The following MACC1 variants were observed in gnomAD, a reference collection of about 807,000 sequenced individuals.
The protein encoded by MACC1 is metastasis-associated in colon cancer protein 1.
In MACC1, 79 loss-of-function variants were observed where a neutral mutation model predicts 70.7. That is an observed-to-expected ratio of 1.12 (90% CI 0.93 to 1.35). MACC1 has a LOEUF of 1.35. Ranked by LOEUF, MACC1 falls within the 40% of genes most tolerant of loss-of-function variation. The pLI, the probability that MACC1 is intolerant of heterozygous loss-of-function variation, is 0.00. For missense variants in MACC1, 1,106 were observed against 978.1 expected (o/e 1.13, Z -1.74); for synonymous variants, 361 against 347.2 (o/e 1.04, Z -0.44).
chr7:20,192,046 A>C (rs1371819900), intron 1 of MACC1, among the ~76,000 whole-genome samples: 1 of 152,192 alleles, frequency 6.6e-6, no homozygotes, highest in Non-Finnish European at 1.5e-5. Context: ...TAATATATTT[A>C]ATATAACTCT....
chr7:20,188,952 T>G (rs1309328750), intron 1 of MACC1, among the ~76,000 whole-genome samples: 1 of 152,336 alleles, frequency 6.6e-6, no homozygotes, highest in East Asian at 1.9e-4. Flanking sequence ...CTGGCCTTGT[T>G]TCTTGTGTGA....
chr7:20,209,517 T>C (rs773140283), intron 1 of MACC1, among the ~76,000 whole-genome samples: 1 of 152,222 alleles, frequency 6.6e-6, no homozygotes, highest in Non-Finnish European at 1.5e-5. Flanking sequence ...ATTTCTCCCA[T>C]TTGGAATGGG....
At chr7:20,168,003 C>A (rs113179119) in intron 2 of MACC1, among the ~76,000 whole-genome samples, 2,027 of 152,162 alleles carry the variant, frequency 0.013, 42 homozygotes, top group African/African-American at 0.046. Flanking sequence ...TTACAAGGGG[C>A]CATGAAGAAA....
intron 5 of MACC1, among the ~76,000 whole-genome samples, chr7:20,156,373 A>G (rs1782055147): frequency 6.6e-6 from 1 of 152,182 alleles, no homozygotes; most frequent in African/African-American, 2.4e-5. Flanking sequence ...TAGCCGCTTG[A>G]GGCACTCTGG....
At chr7:20,193,625 T>C (rs1189515514) in intron 1 of MACC1, among the ~76,000 whole-genome samples, 1 of 152,150 alleles carries the variant, frequency 6.6e-6, no homozygotes, top group Non-Finnish European at 1.5e-5. Flanking sequence ...GTCAAAGCTG[T>C]AGCTAAACTA....
intron 1 of MACC1, among the ~76,000 whole-genome samples, chr7:20,185,813 C>A (rs114113220): frequency 1.3e-5 from 2 of 152,190 alleles, no homozygotes; most frequent in African/African-American, 4.8e-5. Flanking sequence ...CTAACCCTCA[C>A]AGTAATGCTG....
Position 20,138,815 on chromosome 7 carries a change from G to A in MACC1, c.*2131C>T, listed in dbSNP as rs1174264105. ...AGCCTCCTGAGTAGCTGGGACTACA[G>A]GCGCCTGCCACCACGCCCGGCTAAT... is the stretch of plus-strand genomic sequence containing the variant. On this transcript the variant is annotated 3_prime_UTR_variant, in exon 7 of 7. Coordinates refer to ENST00000400331, the MANE Select transcript of MACC1 (RefSeq NM_182762.4). 1.3e-5 allele frequency: 2 copies of A among 152,000 alleles called. No homozygotes were observed. Among genetic ancestry groups the A allele is most frequent in the Non-Finnish European group, 2.9e-5 (2 of 68,012 alleles). 9.4% of individuals were successfully genotyped at this position (152,000 alleles called of 1,614,324 possible). A position where few individuals can be genotyped will look rare whatever the true frequency, so the allele number is the denominator to read the frequency against.
At chr7:20,184,462 C>CT (rs1255798037) in intron 1 of MACC1, among the ~76,000 whole-genome samples, 12 of 152,142 alleles carry the variant, frequency 7.9e-5, no homozygotes, top group African/African-American at 2.9e-4. Flanking sequence ...TGCAAAACTC[C>CT]TTTTTTCTTT....
intron 4 of MACC1, 48 bp from the exon 5 acceptor site, chr7:20,160,293 G>A: frequency 6.7e-7 from 1 of 1,492,534 alleles, no homozygotes; most frequent in South Asian, 1.5e-5. Context: ...AGGTGGCACT[G>A]TGAGTTACAA....
chr7:20,212,569 G>T (rs1484903362), intron 1 of MACC1, among the ~76,000 whole-genome samples: 1 of 152,116 alleles, frequency 6.6e-6, no homozygotes, highest in African/African-American at 2.4e-5. Context: ...GCGGAGCTAG[G>T]TGTCATTTTA....
intron 4 of MACC1, 136 bp downstream of exon 4, chr7:20,161,612 C>A (rs965461778): frequency 1.4e-5 from 8 of 557,370 alleles, no homozygotes; most frequent in Non-Finnish European, 9.6e-6. Flanking sequence ...ATCTTTTTAA[C>A]TATTTCTATG....
intron 1 of MACC1, among the ~76,000 whole-genome samples, chr7:20,201,369 T>C (rs1049141470): frequency 6.6e-6 from 1 of 151,884 alleles, no homozygotes; most frequent in Admixed American, 6.6e-5. Flanking sequence ...AAAAGGAAAA[T>C]GATCCACAAT....
At chr7:20,200,060 T>C (rs955039299) in intron 1 of MACC1, among the ~76,000 whole-genome samples, 2 of 151,828 alleles carry the variant, frequency 1.3e-5, no homozygotes, top group African/African-American at 4.8e-5. Flanking sequence ...TGTATGTATA[T>C]ATACATACAT....
At chr7:20,199,552 A>C (rs1782803426) in intron 1 of MACC1, among the ~76,000 whole-genome samples, 1 of 152,194 alleles carries the variant, frequency 6.6e-6, no homozygotes, top group Admixed American at 6.5e-5. Flanking sequence ...ACTATCCTCC[A>C]CCCACACCCT....
At chr7:20,172,646 C>T in intron 1 of MACC1, among the ~76,000 whole-genome samples, 1 of 152,148 alleles carries the variant, frequency 6.6e-6, no homozygotes, top group South Asian at 2.1e-4. Flanking sequence ...AGAAACCATT[C>T]AGAATAGAAT....
chr7:20,208,838 G>A (rs569602444), intron 1 of MACC1, among the ~76,000 whole-genome samples: 2 of 152,314 alleles, frequency 1.3e-5, no homozygotes, highest in Non-Finnish European at 2.9e-5. Context: ...GGTTTCGTGG[G>A]CAGGGCCAAG....
chr7:20,142,383 C>T (rs1331389471), intron 6 of MACC1, among the ~76,000 whole-genome samples: 1 of 152,162 alleles, frequency 6.6e-6, no homozygotes, highest in Non-Finnish European at 1.5e-5. Flanking sequence ...AAGCCATGAA[C>T]AGCCATTTCC....
Position 20,159,833 on chromosome 7 carries a change from C to G in MACC1, c.528G>C (p.Glu176Asp). Residue 176 changes from glutamate to aspartate, a missense_variant, in exon 5 of 7, where the codon GAG becomes GAC. Coordinates refer to ENST00000400331, the MANE Select transcript of MACC1 (RefSeq NM_182762.4). ...GACTTAACCAAGCCATTTTATAAGC[C>G]TCCCGATCATTTTTAAGCCACTCTA... ...HDLEWLKNDR[E>D]AYKMAWLSQR... 6.2e-7 allele frequency: 1 copy of G among 1,614,162 alleles called. No individual in the cohort carries two copies. The highest frequency in any genetic ancestry group is 8.5e-7 in the Non-Finnish European group (1 of 1,180,022).
intron 1 of MACC1, among the ~76,000 whole-genome samples, chr7:20,188,698 C>T (rs988611934): frequency 6.6e-6 from 1 of 152,184 alleles, no homozygotes; most frequent in Non-Finnish European, 1.5e-5. Context: ...CTCCACTTTA[C>T]CAAAAGTGCT....
Sources: gnomAD v4.1 joint callset for allele counts (sites outside exome capture counted in the v4.1 genomes callset) on GRCh38, gnomAD v4.1.1 for gene constraint, MANE v1.5 for transcripts, NCBI Gene and HGNC (gene_info 2026-07-23, HGNC 2026-07-21) for gene names.